Variants in PLEKHA5 observed in about 807,000 individuals in gnomAD.
The protein encoded by PLEKHA5 is pleckstrin homology domain containing A5.
Under a neutral mutation model 181.9 loss-of-function variants are expected in PLEKHA5, and 55 were observed. The ratio of observed to expected loss-of-function variants is 0.30; its 90% CI spans 0.24 to 0.38. PLEKHA5 has a LOEUF of 0.38. Ranked by LOEUF, PLEKHA5 falls within the 10% of genes least tolerant of loss-of-function variation. The pLI is 1.00. For synonymous variants in PLEKHA5, 535 were observed against 529.4 expected (o/e 1.01, Z -0.15); for missense variants, 1,432 against 1,549.5 (o/e 0.92, Z 1.27).
intron 23 of PLEKHA5, 80 bp downstream of exon 23, chr12:19,345,968 C>A (rs2094304878): frequency 8.9e-6 from 6 of 675,014 alleles, no homozygotes; most frequent in Admixed American, 2.7e-5. Context: ...CTTCTCTAAT[C>A]TTAATAACAA....
chr12:19,253,219 C>T (rs887418813), intron 3 of PLEKHA5, among the ~76,000 whole-genome samples: 6 of 151,030 alleles, frequency 4.0e-5, no homozygotes, highest in Non-Finnish European at 8.9e-5. Context: ...GGATTACAGG[C>T]ACACGCCACC....
At chr12:19,326,594 T>G (rs2092129039) in intron 20 of PLEKHA5, among the ~76,000 whole-genome samples, 1 of 152,148 alleles carries the variant, frequency 6.6e-6, no homozygotes, top group South Asian at 2.1e-4. Flanking sequence ...TATTTTATTT[T>G]AGGTTTGGGG....
intron 15 of PLEKHA5, among the ~76,000 whole-genome samples, chr12:19,314,468 T>A (rs1193648140): frequency 6.6e-6 from 1 of 152,150 alleles, no homozygotes; most frequent in Non-Finnish European, 1.5e-5. Flanking sequence ...TTCTCCTGAT[T>A]GTGTAGGTTC....
chr12:19,290,833 T>C (rs915717059), intron 14 of PLEKHA5, 37 bp downstream of exon 14: 2 of 1,497,568 alleles, frequency 1.3e-6, no homozygotes, highest in Non-Finnish European at 1.8e-6. Context: ...TCGTCTGCCA[T>C]CATCTCTTAT....
intron 20 of PLEKHA5, among the ~76,000 whole-genome samples, chr12:19,326,247 T>C (rs1364761839): frequency 1.3e-5 from 2 of 152,220 alleles, no homozygotes; most frequent in Non-Finnish European, 2.9e-5. Flanking sequence ...TAAACTTATT[T>C]ATATTTGTAG....
intron 3 of PLEKHA5, among the ~76,000 whole-genome samples, chr12:19,239,122 T>A (rs1228417578): frequency 6.6e-6 from 1 of 152,164 alleles, no homozygotes; most frequent in African/African-American, 2.4e-5. Context: ...ATAGGATGCT[T>A]AATAAATAAT....
At chr12:19,344,995 AC>A (rs1489829091) in intron 22 of PLEKHA5, among the ~76,000 whole-genome samples, 3 of 151,634 alleles carry the variant, frequency 2.0e-5, no homozygotes, top group Non-Finnish European at 4.4e-5. Context: ...GGTGGTACGC[AC>A]CTGTGGTCCC....
intron 22 of PLEKHA5, among the ~76,000 whole-genome samples, chr12:19,343,752 A>G (rs2094122916): frequency 1.3e-5 from 2 of 152,120 alleles, no homozygotes; most frequent in Admixed American, 6.6e-5. Flanking sequence ...CAACTAGGCA[A>G]TAGATATTTC....
intron 15 of PLEKHA5, among the ~76,000 whole-genome samples, chr12:19,295,251 A>G (rs775457997): frequency 4.6e-5 from 7 of 152,148 alleles, no homozygotes; most frequent in Admixed American, 3.3e-4. Context: ...AATATTGGAG[A>G]CACTTTTGGT....
chr12:19,152,406 T>C (rs982441814), intron 3 of PLEKHA5: 6 of 152,222 alleles, frequency 3.9e-5, no homozygotes, highest in Non-Finnish European at 8.8e-5. Context: ...GGCTCATAGA[T>C]AGAGACTGTA....
At position 19,188,725 on chromosome 12, in the gene PLEKHA5, T is replaced by G. The variant is rs73058541; in HGVS notation, c.227+56275T>G. On this transcript the variant is annotated intron_variant, in intron 3 of 31. Transcript: ENST00000429027. ...TAATCCCTAAAGACAAAAGAACAGA[T>G]TTATAATACATATTATGTTGATTTA... Among the ~76,000 whole-genome samples the G allele has an allele frequency of 9.2e-3, 1,401 of 152,348 alleles. 9 individuals carry two copies. Among genetic ancestry groups the G allele is most frequent in the Non-Finnish European group, 0.015 (991 of 68,024 alleles).
chr12:19,226,997 G>A (rs531384663), intron 3 of PLEKHA5, among the ~76,000 whole-genome samples: 5 of 151,852 alleles, frequency 3.3e-5, no homozygotes, highest in Middle Eastern at 3.4e-3. Context: ...TAAGGAAGTC[G>A]GTTATATCCT....
chr12:19,355,553 C>G (rs2094882305), intron 26 of PLEKHA5, among the ~76,000 whole-genome samples: 1 of 151,562 alleles, frequency 6.6e-6, no homozygotes, highest in South Asian at 2.1e-4. Context: ...GTGACGGGGT[C>G]TCTCTCTGTT....
Position 19,130,115 on chromosome 12 carries a change from C to T in PLEKHA5, c.154C>T (p.Arg52Trp), listed in dbSNP as rs374080735. 264 of 1,579,008 alleles carry T rather than the reference C, an allele frequency of 1.7e-4. No homozygotes were observed. The highest frequency in any genetic ancestry group is 2.0e-4 in the Non-Finnish European group (234 of 1,163,992). The change falls in exon 2 of 32, where the codon CGG becomes TGG. Residue 52 changes from arginine to tryptophan, a missense_variant. This residue lies in a region of PLEKHA5 where 289 missense variants were observed against 381.1 expected (regional missense o/e 0.76). Transcript: ENST00000429027. The surrounding 1 kb of genome is among the most constrained non-coding windows in gnomAD (Gnocchi z 4.5). The part of the protein sequence containing the change: ...VTGEAVVTGH[R>W]RQSTDLPTGW... ...CGGCGAGGCGGTGGTCACCGGACAC[C>T]GGCGGCAGAGCACAGGTAACGCCGG...
intron 3 of PLEKHA5, among the ~76,000 whole-genome samples, chr12:19,173,615 T>C (rs1188464294): frequency 6.6e-6 from 1 of 152,164 alleles, no homozygotes; most frequent in East Asian, 1.9e-4. Context: ...ACCTCAAAGA[T>C]TCTCAAATCA....
At chr12:19,180,373 T>C (rs1047216755) in intron 3 of PLEKHA5, among the ~76,000 whole-genome samples, 2 of 152,096 alleles carry the variant, frequency 1.3e-5, no homozygotes, top group East Asian at 3.9e-4. Flanking sequence ...ATTTAACCCA[T>C]GAGGGGAGTC....
intron 10 of PLEKHA5, among the ~76,000 whole-genome samples, chr12:19,273,228 A>G (rs2073548746): frequency 6.6e-6 from 1 of 152,114 alleles, no homozygotes; most frequent in Non-Finnish European, 1.5e-5. Context: ...TTTTCAAGAG[A>G]AAGAAGCACA....
chr12:19,182,231 T>G (rs2048779256), intron 3 of PLEKHA5, among the ~76,000 whole-genome samples: 1 of 152,220 alleles, frequency 6.6e-6, no homozygotes, highest in South Asian at 2.1e-4. Flanking sequence ...CACTTTTTCT[T>G]TACATTTCTA....
At chr12:19,181,746 A>G (rs1251389956) in intron 3 of PLEKHA5, among the ~76,000 whole-genome samples, 2 of 152,224 alleles carry the variant, frequency 1.3e-5, no homozygotes, top group East Asian at 3.9e-4. Flanking sequence ...ACTGCACTTC[A>G]GCCTGGGTAA....
Sources: gnomAD v4.1 joint callset for allele counts (sites outside exome capture counted in the v4.1 genomes callset) on GRCh38, gnomAD v4.1.1 for gene constraint, gnomAD v4.1.1 regional missense constraint, Gnocchi (gnomAD v3.1) non-coding constraint, MANE v1.5 for transcripts, NCBI Gene and HGNC (gene_info 2026-07-23, HGNC 2026-07-21) for gene names.